The following HMOX2 variants were observed in gnomAD, a reference collection of about 807,000 sequenced individuals.
The protein encoded by HMOX2 is heme oxygenase (decycling) 2.
In HMOX2, 30 loss-of-function variants were observed where a neutral mutation model predicts 33.7. The observed-to-expected ratio is 0.89, with a 90% confidence interval of 0.67 to 1.21. The LOEUF is 1.21. HMOX2 is among the 50% of genes most tolerant of loss of function. The probability of loss-of-function intolerance (pLI) is 0.00; values close to 1 mark genes in which losing one functional copy is unlikely to be tolerated. For missense variants in HMOX2, 403 were observed against 399.1 expected, an observed-to-expected ratio of 1.01 and a Z score of -0.08; for synonymous variants, 155 against 155.0, an observed-to-expected ratio of 1.00 and a Z score of 0.00.
chr16:4,497,094 A>G (rs1296233952), intron 1 of HMOX2, among the ~76,000 whole-genome samples: 1 of 152,160 alleles, frequency 6.6e-6, no homozygotes, highest in Admixed American at 6.6e-5. Context: ...AGTTCTGCAT[A>G]TGCATCTTAA....
At chr16:4,493,345 T>G (rs2058348161) in intron 1 of HMOX2, among the ~76,000 whole-genome samples, 1 of 152,226 alleles carries the variant, frequency 6.6e-6, no homozygotes, top group South Asian at 2.1e-4. Flanking sequence ...CATGAGCCAC[T>G]GGGCTCAGCC....
chr16:4,502,023 T>G (rs906151763), intron 1 of HMOX2, among the ~76,000 whole-genome samples: 1 of 152,288 alleles, frequency 6.6e-6, no homozygotes, highest in Admixed American at 6.5e-5. Context: ...AGAACCTATT[T>G]TGAGTGTAGA....
At chr16:4,499,643 C>G (rs938979284) in intron 1 of HMOX2, among the ~76,000 whole-genome samples, 1 of 152,120 alleles carries the variant, frequency 6.6e-6, no homozygotes, top group South Asian at 2.1e-4. Flanking sequence ...GTATTGTATA[C>G]TTCAAAATTG....
chr16:4,501,953 T>C (rs934430872), intron 1 of HMOX2, among the ~76,000 whole-genome samples: 26 of 152,202 alleles, frequency 1.7e-4, no homozygotes, highest in African/African-American at 5.8e-4. Context: ...GTTGGTACTT[T>C]CAGCCCGCCT....
Position 4,509,930 on chromosome 16 carries a change from G to A in HMOX2, c.*174G>A. The A allele has an allele frequency of 1.4e-6, 1 of 714,416 alleles. No homozygotes were observed. The highest frequency in any genetic ancestry group is 2.3e-6 in the Non-Finnish European group (1 of 437,742). The allele number at this position is 714,416 out of a possible 1,614,324, so 44.3% of individuals were successfully genotyped here. A position where few individuals can be genotyped will look rare whatever the true frequency, so the allele number is the denominator to read the frequency against. ...CTCTGCCTGACAGCATCCTCTCTAT[G>A]GGCCATATTCCGCACTGGGCACAGG... On this transcript the variant is annotated 3_prime_UTR_variant, in exon 6 of 6. Coordinates refer to ENST00000570646, the MANE Select transcript of HMOX2 (RefSeq NM_002134.4).
At chr16:4,491,488 A>G (rs141489249) in intron 1 of HMOX2, among the ~76,000 whole-genome samples, 120 of 151,970 alleles carry the variant, frequency 7.9e-4, no homozygotes, top group African/African-American at 2.7e-3. Flanking sequence ...CATCTCTACA[A>G]AAAATACCAA....
intron 1 of HMOX2, among the ~76,000 whole-genome samples, chr16:4,482,106 T>G (rs1039381242): frequency 6.6e-6 from 1 of 152,164 alleles, no homozygotes; most frequent in Non-Finnish European, 1.5e-5. Context: ...TCCCAGTAAT[T>G]AGAAAATAAC....
chr16:4,507,039 C>T (rs1284351008), intron 3 of HMOX2, 27 bp downstream of exon 3: 3 of 1,449,038 alleles, frequency 2.1e-6, no homozygotes, highest in Middle Eastern at 1.7e-4. Context: ...GGGTTCCAGA[C>T]TGTCATATGG....
chr16:4,499,656 A>G (rs979489130), intron 1 of HMOX2, among the ~76,000 whole-genome samples: 2 of 152,192 alleles, frequency 1.3e-5, no homozygotes, highest in Non-Finnish European at 2.9e-5. Context: ...CAAAATTGGT[A>G]AAAGAGTGGA....
At chr16:4,492,675 C>T (rs866263824) in intron 1 of HMOX2, among the ~76,000 whole-genome samples, 1 of 151,836 alleles carries the variant, frequency 6.6e-6, no homozygotes, top group African/African-American at 2.4e-5. Flanking sequence ...TCCAAGATCA[C>T]GCCACTGCAC....
chr16:4,492,678 C>T (rs945064890), intron 1 of HMOX2, among the ~76,000 whole-genome samples: 5 of 151,738 alleles, frequency 3.3e-5, no homozygotes, highest in African/African-American at 1.2e-4. Flanking sequence ...AAGATCACGC[C>T]ACTGCACTCC....
intron 1 of HMOX2, among the ~76,000 whole-genome samples, chr16:4,483,293 A>C (rs1270531249): frequency 6.6e-6 from 1 of 151,734 alleles, no homozygotes; most frequent in Admixed American, 6.6e-5. Context: ...CTCAACCTTT[A>C]GACCTTCTCC....
At chr16:4,475,394 G>A (rs2057791967), upstream of HMOX2, among the ~76,000 whole-genome samples, 1 of 151,574 alleles carries the variant, frequency 6.6e-6, no homozygotes, top group African/African-American at 2.4e-5. Context: ...TGCAACTTCC[G>A]CCTCTTGGGT....
In HMOX2 at chr16:4,505,554, G is replaced by T. The variant is rs769461451; in HGVS notation, c.30G>T (p.Gly10=). Reference sequence around the variant, plus strand: ...CAGCGGAAGTGGAAACCTCAGAGGGGGTAGACGAGTCAGAAAAAAAGAACT... The same window carrying T: ...CAGCGGAAGTGGAAACCTCAGAGGGTGTAGACGAGTCAGAAAAAAAGAACT... MSAEVETSE[G]VDESEKKNSG... is the part of the protein sequence containing the mutation. Residue 10 remains glycine, a synonymous_variant, in exon 2 of 6, where the codon GGG becomes GGT. Coordinates refer to ENST00000570646, the MANE Select transcript of HMOX2 (RefSeq NM_002134.4). The T allele has an allele frequency of 5.0e-6, 8 of 1,607,226 alleles. No individual in the cohort carries two copies. Among genetic ancestry groups the T allele is most frequent in the East Asian group, 2.2e-5 (1 of 44,564 alleles).
chr16:4,508,525 T>G (rs142036558), intron 4 of HMOX2, among the ~76,000 whole-genome samples: 1 of 152,168 alleles, frequency 6.6e-6, no homozygotes, highest in Non-Finnish European at 1.5e-5. Flanking sequence ...TTAATTTTCT[T>G]TTCAAGTTTT....
intron 1 of HMOX2, among the ~76,000 whole-genome samples, chr16:4,483,082 G>A (rs1424375412): frequency 6.6e-6 from 1 of 151,950 alleles, no homozygotes; most frequent in Non-Finnish European, 1.5e-5. Context: ...GGTGAGGCAT[G>A]TAGGAAGAGG....
At chr16:4,477,552 C>T (rs971635193) in intron 1 of HMOX2, among the ~76,000 whole-genome samples, 7 of 148,986 alleles carry the variant, frequency 4.7e-5, no homozygotes, top group African/African-American at 1.7e-4. Flanking sequence ...TTGTCGTGGC[C>T]TGTGGCTGTC....
At chr16:4,483,423 G>C (rs967611640) in intron 1 of HMOX2, among the ~76,000 whole-genome samples, 1 of 151,682 alleles carries the variant, frequency 6.6e-6, no homozygotes, top group African/African-American at 2.4e-5. Flanking sequence ...TACAACAAAA[G>C]ATGCTCCTAT....
At chr16:4,482,386 A>T (rs1382184894) in intron 1 of HMOX2, among the ~76,000 whole-genome samples, 1 of 152,074 alleles carries the variant, frequency 6.6e-6, no homozygotes, top group East Asian at 1.9e-4. Context: ...TCCCACAGTC[A>T]CTCAACACAA....
Sources: gnomAD v4.1 joint callset for allele counts (sites outside exome capture counted in the v4.1 genomes callset) on GRCh38, gnomAD v4.1.1 for gene constraint, MANE v1.5 for transcripts, NCBI Gene and HGNC (gene_info 2026-07-23, HGNC 2026-07-21) for gene names.